The following CYRIB variants were observed in gnomAD, a reference collection of about 807,000 sequenced individuals.
The protein encoded by CYRIB is CYFIP-related Rac1 interactor B.
CYRIB carries 8 observed loss-of-function variants against 44.2 expected under a neutral mutation model. That is an observed-to-expected ratio of 0.18 (90% CI 0.11 to 0.33). The LOEUF (loss-of-function observed/expected upper bound fraction) is 0.33, where lower values mean the gene tolerates loss of function less well. Among genes scored for constraint, CYRIB ranks in the 10% least tolerant of loss-of-function variants. The pLI is 1.00. For missense variants in CYRIB, 185 were observed against 382.8 expected (o/e 0.48, Z 4.31); for synonymous variants, 131 against 127.2 (o/e 1.03, Z -0.20).
chr8:129,990,221 T>C (rs1341278038), intron 1 of CYRIB, among the ~76,000 whole-genome samples: 2 of 152,196 alleles, frequency 1.3e-5, no homozygotes, highest in Non-Finnish European at 2.9e-5. Context: ...TACATATATG[T>C]ATATACTGTA....
At chr8:129,849,189 A>G in intron 10 of CYRIB, 54 bp downstream of exon 12, 1 of 1,507,152 alleles carries the variant, frequency 6.6e-7, no homozygotes, top group East Asian at 2.3e-5. Context: ...ATAAAATCCT[A>G]TGGTTTCCAT....
At chr8:129,886,587 C>T (rs1026804415) in intron 2 of CYRIB, among the ~76,000 whole-genome samples, 3 of 152,112 alleles carry the variant, frequency 2.0e-5, no homozygotes, top group African/African-American at 7.2e-5. Flanking sequence ...TCTCTCCTTT[C>T]GTTCTCTATT....
chr8:129,969,062 A>G (rs2095595871), intron 2 of CYRIB, among the ~76,000 whole-genome samples: 1 of 117,106 alleles, frequency 8.5e-6, no homozygotes. Flanking sequence ...CGCCCAGGCT[A>G]GAGTGCAGTG....
chr8:130,005,409 C>T (rs557151867), intron 1 of CYRIB, among the ~76,000 whole-genome samples: 2 of 152,142 alleles, frequency 1.3e-5, no homozygotes, highest in African/African-American at 4.8e-5. Flanking sequence ...GGTCCCTTAG[C>T]GGGCTTTCAC....
intron 1 of CYRIB, among the ~76,000 whole-genome samples, chr8:129,925,277 A>G (rs1343821621): frequency 6.6e-6 from 1 of 152,198 alleles, no homozygotes; most frequent in African/African-American, 2.4e-5. Flanking sequence ...GTGTACCTGT[A>G]GTCTCAGCCA....
rs144138077 is a variant in CYRIB at position 129,910,851 on chromosome 8, T to C, written c.-49-7501A>G. ...TCTGTCGCCCAGGCTGGAATGCAGT[T>C]GTACAATCATAGCTCACTGTAACCT... On this transcript the variant is annotated intron_variant, in intron 1 of 11. Coordinates refer to ENST00000519824, the Ensembl canonical transcript of CYRIB. Among the ~76,000 whole-genome samples the C allele has an allele frequency of 4.6e-4, 70 of 152,262 alleles. No homozygotes were observed. In the South Asian group the frequency reaches 0.01, roughly 22 times the overall value.
intron 2 of CYRIB, 55 bp from the exon 5 acceptor site, chr8:129,879,526 T>C (rs2060180187): frequency 1.1e-5 from 14 of 1,273,642 alleles, no homozygotes; most frequent in Non-Finnish European, 1.6e-5. Context: ...AAAGAACATC[T>C]GAAGTTTACT....
At chr8:129,885,990 C>T (rs2062610042) in intron 2 of CYRIB, among the ~76,000 whole-genome samples, 1 of 152,194 alleles carries the variant, frequency 6.6e-6, no homozygotes, top group Non-Finnish European at 1.5e-5. Context: ...CATACACCCA[C>T]CCTCTGTACC....
At chr8:129,855,797 ATTTG>A (rs774915607) in intron 5 of CYRIB, 50 bp from the exon 8 acceptor site, 172 of 1,513,212 alleles carry the variant, frequency 1.1e-4, no homozygotes, top group Non-Finnish European at 1.4e-4. Context: ...TCTGTGTGAT[ATTTG>A]TTTATTAAAA....
intron 2 of CYRIB, among the ~76,000 whole-genome samples, chr8:129,894,226 T>C (rs1224553556): frequency 6.6e-6 from 1 of 152,224 alleles, no homozygotes; most frequent in Non-Finnish European, 1.5e-5. Flanking sequence ...CTTTAATACA[T>C]GGTGCTAAAT....
chr8:129,853,080 T>G (rs762476805), intron 7 of CYRIB, among the ~76,000 whole-genome samples: 1 of 151,830 alleles, frequency 6.6e-6, no homozygotes, highest in Non-Finnish European at 1.5e-5. Context: ...GTTGGAACAG[T>G]GGGAGGAGGA....
chr8:129,981,840 C>G (rs2096249726), intron 1 of CYRIB, among the ~76,000 whole-genome samples: 1 of 152,202 alleles, frequency 6.6e-6, no homozygotes, highest in Non-Finnish European at 1.5e-5. Context: ...GTTCAGGGAG[C>G]CTGCTGTCCA....
intron 2 of CYRIB, among the ~76,000 whole-genome samples, chr8:129,902,421 T>C (rs1266615302): frequency 6.6e-6 from 1 of 152,168 alleles, no homozygotes; most frequent in African/African-American, 2.4e-5. Context: ...GGTTTCACCA[T>C]GTTGGCCAGG....
chr8:129,911,018 C>T (rs1485435166), intron 1 of CYRIB, among the ~76,000 whole-genome samples: 1 of 152,158 alleles, frequency 6.6e-6, no homozygotes, highest in East Asian at 1.9e-4. Context: ...AATTGTGTAA[C>T]TTAGTCCTTC....
At chr8:129,986,619 T>C (rs2096463599) in intron 1 of CYRIB, among the ~76,000 whole-genome samples, 1 of 152,144 alleles carries the variant, frequency 6.6e-6, no homozygotes, top group African/African-American at 2.4e-5. Flanking sequence ...GCACGAGCTC[T>C]CTCAGCCCCT....
chr8:129,974,118 C>T (rs1034769143), intron 1 of CYRIB, among the ~76,000 whole-genome samples: 1 of 152,180 alleles, frequency 6.6e-6, no homozygotes, highest in Non-Finnish European at 1.5e-5. Context: ...ACCCAGAATC[C>T]AGCCGACCCA....
chr8:129,928,637 G>A (rs1374447687), intron 1 of CYRIB, among the ~76,000 whole-genome samples: 1 of 150,798 alleles, frequency 6.6e-6, no homozygotes, highest in African/African-American at 2.4e-5. Flanking sequence ...TCCAGCCTGA[G>A]TGACAAAGTA....
chr8:129,890,856 G>GCAC lies in CYRIB; in HGVS notation c.-10-11388_-10-11386dup, dbSNP rs535708890. On this transcript the variant is annotated intron_variant, in intron 2 of 11. Coordinates refer to ENST00000519824, the Ensembl canonical transcript of CYRIB. ...TGCAGTGAGTCAAGATTGCACCACTGCACTCTACACTCTGCAACAGAGTGA... is the reference window on the plus strand; with the variant it reads ...TGCAGTGAGTCAAGATTGCACCACTGCACCACTCTACACTCTGCAACAGAGTGA... 3.7e-3 allele frequency among the ~76,000 whole-genome samples: 559 copies of GCAC among 151,418 alleles called. 4 individuals are homozygous for GCAC. Among genetic ancestry groups the GCAC allele is most frequent in the African/African-American group, 0.013 (541 of 41,168 alleles).
chr8:130,010,342 C>T (rs1285120136), intron 1 of CYRIB, among the ~76,000 whole-genome samples: 1 of 152,196 alleles, frequency 6.6e-6, no homozygotes, highest in African/African-American at 2.4e-5. Flanking sequence ...CACTGTGGAG[C>T]GGTGAGCAAA....
Sources: gnomAD v4.1 joint callset for allele counts (sites outside exome capture counted in the v4.1 genomes callset) on GRCh38, gnomAD v4.1.1 for gene constraint, MANE v1.5 for transcripts, NCBI Gene and HGNC (gene_info 2026-07-23, HGNC 2026-07-21) for gene names.